The following UNC80 variants were observed in gnomAD, a reference collection of about 807,000 sequenced individuals.
UNC80 encodes the protein protein unc-80 homolog.
Under a neutral mutation model 384.6 loss-of-function variants are expected in UNC80, and 164 were observed. That is an observed-to-expected ratio of 0.43 (90% CI 0.38 to 0.49). The LOEUF (loss-of-function observed/expected upper bound fraction) is 0.49, where lower values mean the gene tolerates loss of function less well. UNC80 is among the 20% of genes least tolerant of loss of function. UNC80 has a pLI of 0.00. For missense variants in UNC80, 3,330 were observed against 4,143.0 expected, an observed-to-expected ratio of 0.80 and a Z score of 5.39; for synonymous variants, 1,486 against 1,527.8, an observed-to-expected ratio of 0.97 and a Z score of 0.64.
intron 7 of UNC80, chr2:209,795,590 G>C (rs549729005): frequency 6.4e-4 from 97 of 152,346 alleles, no homozygotes; most frequent in African/African-American, 2.3e-3. Flanking sequence ...AAGCAGTTTC[G>C]TGGGCTGGGC....
At position 209,894,298 on chromosome 2, in the gene UNC80, G is replaced by A. The variant is rs1318973222; in HGVS notation, c.4412G>A (p.Arg1471Gln). Residue 1471 changes from arginine (R) to glutamine (Q), a missense_variant, in exon 27 of 65, where the codon CGG (arginine) becomes CAG (glutamine). Transcript: ENST00000673920. ...VGSLKSSKLS[R>Q]QDSESEAEEL... Reference sequence around the variant, plus strand: ...AGCTTAAAGAGCAGCAAGTTATCACGGCAGGACTCAGAGTCTGAGGCTGAG... The same window carrying A: ...AGCTTAAAGAGCAGCAAGTTATCACAGCAGGACTCAGAGTCTGAGGCTGAG... 3.0e-6 allele frequency: 3 copies of A among 985,360 alleles called. No individual in the cohort carries two copies. Among genetic ancestry groups the A allele is most frequent in the East Asian group, 1.1e-4 (1 of 8,800 alleles). The allele number at this position is 985,360 out of a possible 1,614,324, so 61.0% of individuals were successfully genotyped here. A position where few individuals can be genotyped will look rare whatever the true frequency, so the allele number is the denominator to read the frequency against.
chr2:209,829,304 A>G lies in UNC80; in HGVS notation c.2551A>G (p.Asn851Asp). 6.4e-7 allele frequency: 1 copy of G among 1,551,438 alleles called. No homozygotes were observed. Among genetic ancestry groups the G allele is most frequent in the Non-Finnish European group, 8.7e-7 (1 of 1,146,798 alleles). Residue 851 changes from asparagine (N) to aspartate (D), a missense_variant, in exon 15 of 65, where the codon AAC becomes GAC. Physicochemically the swap from Asn to Asp is conservative, Grantham distance 23 (BLOSUM62 1). Coordinates refer to ENST00000673920, the MANE Select transcript of UNC80 (RefSeq NM_001371986.1). The part of the protein sequence containing the change: ...QFRQTMRDYV[N>D]KDSLNNVVDF... ...CCGACAAACCATGAGGGACTATGTGAACAAGGACTCTCTCAATAATGTAGT... is the reference window on the plus strand; with the variant it reads ...CCGACAAACCATGAGGGACTATGTGGACAAGGACTCTCTCAATAATGTAGT...
intron 48 of UNC80, among the ~76,000 whole-genome samples, chr2:209,956,724 C>T (rs2092432763): frequency 6.6e-6 from 1 of 152,282 alleles, no homozygotes; most frequent in Non-Finnish European, 1.5e-5. Context: ...AGAGAAGACT[C>T]TCTGCTTTTG....
At chr2:209,930,087 C>A (rs2090734390) in intron 37 of UNC80, 116 bp downstream of exon 37, 3 of 474,182 alleles carry the variant, frequency 6.3e-6, no homozygotes, top group Non-Finnish European at 1.1e-5. Flanking sequence ...CAATACACAA[C>A]CAATAAGTAC....
intron 7 of UNC80, among the ~76,000 whole-genome samples, chr2:209,804,317 T>C (rs570939442): frequency 6.6e-6 from 1 of 152,332 alleles, no homozygotes; most frequent in Non-Finnish European, 1.5e-5. Flanking sequence ...TGATTAAAAC[T>C]CAGTGCTATT....
At chr2:209,800,457 T>C (rs1337369419) in intron 7 of UNC80, among the ~76,000 whole-genome samples, 3 of 150,844 alleles carry the variant, frequency 2.0e-5, no homozygotes, top group Non-Finnish European at 2.9e-5. Flanking sequence ...CTCTTCTTTA[T>C]TAGTCTAGCT....
chr2:209,951,464 A>G (rs1369930877), intron 47 of UNC80: 1 of 151,748 alleles, frequency 6.6e-6, no homozygotes, highest in Non-Finnish European at 1.5e-5. Context: ...CACCCAGCTA[A>G]TTTTTTATAT....
At chr2:209,939,330 T>C (rs1311177267) in intron 42 of UNC80, 142 bp from the exon 43 acceptor site, 3 of 765,948 alleles carry the variant, frequency 3.9e-6, no homozygotes, top group Admixed American at 6.0e-5. Flanking sequence ...TAAAAACACA[T>C]GTCTCCCTCA....
chr2:209,865,964 T>C (rs1174993738), intron 22 of UNC80, among the ~76,000 whole-genome samples: 1 of 152,210 alleles, frequency 6.6e-6, no homozygotes, highest in African/African-American at 2.4e-5. Context: ...TCTGGCTTAA[T>C]TGACAATCCT....
At chr2:209,807,526 A>G (rs1241113132) in intron 7 of UNC80, among the ~76,000 whole-genome samples, 1 of 151,812 alleles carries the variant, frequency 6.6e-6, no homozygotes, top group Non-Finnish European at 1.5e-5. Context: ...CACCACGCCC[A>G]GCTATTTTTT....
At chr2:209,897,283 G>T (rs1278755321) in intron 28 of UNC80, among the ~76,000 whole-genome samples, 1 of 152,136 alleles carries the variant, frequency 6.6e-6, no homozygotes, top group East Asian at 1.9e-4. Flanking sequence ...ACCACTGCCA[G>T]GTTGAGAAAA....
At chr2:209,792,843 C>G (rs964852127) in intron 6 of UNC80, among the ~76,000 whole-genome samples, 1 of 152,170 alleles carries the variant, frequency 6.6e-6, no homozygotes, top group African/African-American at 2.4e-5. Context: ...CCTATACTTA[C>G]CTGTCTTGAG....
chr2:209,986,838 T>C (rs2093300250), intron 61 of UNC80, among the ~76,000 whole-genome samples: 1 of 152,218 alleles, frequency 6.6e-6, no homozygotes, highest in African/African-American at 2.4e-5. Context: ...AAGTTCTCTT[T>C]GGAGGAGAGG....
At chr2:209,809,475 C>T in intron 7 of UNC80, 1 of 1,399,534 alleles carries the variant, frequency 7.1e-7, no homozygotes, top group East Asian at 2.3e-5. Context: ...TCCAGACCCA[C>T]TTGGACGTCA....
chr2:209,855,307 A>T (rs749152023), intron 22 of UNC80, among the ~76,000 whole-genome samples: 3 of 152,082 alleles, frequency 2.0e-5, no homozygotes, highest in Non-Finnish European at 2.9e-5. Flanking sequence ...CAGCAGGGTT[A>T]GGGGGGCAGG....
intron 28 of UNC80, among the ~76,000 whole-genome samples, chr2:209,898,950 C>A (rs752304052): frequency 1.3e-5 from 2 of 152,172 alleles, no homozygotes; most frequent in Non-Finnish European, 2.9e-5. Context: ...ATGACAGGAT[C>A]TCATTCTTCT....
At chr2:209,840,107 A>C (rs1048479484) in intron 19 of UNC80, among the ~76,000 whole-genome samples, 5 of 152,182 alleles carry the variant, frequency 3.3e-5, no homozygotes, top group African/African-American at 1.2e-4. Flanking sequence ...TTTTTGCAAA[A>C]CTTCACTGCA....
chr2:209,881,060 C>G lies in UNC80; in HGVS notation c.4076C>G (p.Ser1359Cys). Reference protein sequence around the residue: ...EITTFLRETFSCLPRPRTEPL... With the variant: ...EITTFLRETFCCLPRPRTEPL... ...ACCACCTTCCTGCGAGAGACCTTTT[C>G]TTGCCTGCCCAGACCTCGCACTGAG... The change falls in exon 25 of 65, where the codon TCT becomes TGT. Residue 1359 changes from serine (S) to cysteine (C), a missense_variant. Transcript: ENST00000673920. 6.4e-7 allele frequency: 1 copy of G among 1,551,742 alleles called. No homozygotes were observed. Among genetic ancestry groups the G allele is most frequent in the Non-Finnish European group, 8.7e-7 (1 of 1,147,012 alleles).
chr2:209,802,547 A>C lies in UNC80; in HGVS notation c.938+8688A>C, dbSNP rs2078630090. Among the ~76,000 whole-genome samples the C allele has an allele frequency of 1.3e-5, 2 of 152,220 alleles. 1 individual carries two copies. Among genetic ancestry groups the C allele is most frequent in the South Asian group, 4.1e-4 (2 of 4,834 alleles). ...CTTAGCTAATGTACTAACAACTTTAAGCAATGATCAATTTAGTGCTCCCTC... is the reference window on the plus strand; with the variant it reads ...CTTAGCTAATGTACTAACAACTTTACGCAATGATCAATTTAGTGCTCCCTC... On this transcript the variant is annotated intron_variant, in intron 7 of 64. Coordinates refer to ENST00000673920, the MANE Select transcript of UNC80 (RefSeq NM_001371986.1).
Sources: gnomAD v4.1 joint callset for allele counts (sites outside exome capture counted in the v4.1 genomes callset) on GRCh38, gnomAD v4.1.1 for gene constraint, MANE v1.5 for transcripts, NCBI Gene and HGNC (gene_info 2026-07-23, HGNC 2026-07-21) for gene names.